PTPRG: variants seen among roughly 807,000 people sequenced by gnomAD.
The protein encoded by PTPRG is receptor-type tyrosine-protein phosphatase gamma.
A neutral mutation model predicts 165.3 loss-of-function variants in PTPRG; 102 were observed. The ratio of observed to expected loss-of-function variants is 0.62; its 90% CI spans 0.53 to 0.73. The LOEUF (loss-of-function observed/expected upper bound fraction) is 0.73, where lower values mean the gene tolerates loss of function less well. Among genes scored for constraint, PTPRG ranks in the 30% least tolerant of loss-of-function variants. The probability of loss-of-function intolerance (pLI) is 0.00; values close to 1 mark genes in which losing one functional copy is unlikely to be tolerated. For missense variants in PTPRG, 1,866 were observed against 1,861.4 expected (o/e 1.00, Z -0.05); for synonymous variants, 675 against 669.5 (o/e 1.01, Z -0.13).
intron 1 of PTPRG, among the ~76,000 whole-genome samples, chr3:61,722,200 C>G (rs1303089591): frequency 6.7e-6 from 1 of 149,238 alleles, no homozygotes; most frequent in Non-Finnish European, 1.5e-5. Flanking sequence ...GGTGGAAGAG[C>G]AAAGAGAGAG....
chr3:61,877,693 G>T (rs1433558727), intron 2 of PTPRG, among the ~76,000 whole-genome samples: 1 of 152,228 alleles, frequency 6.6e-6, no homozygotes, highest in Admixed American at 6.5e-5. Flanking sequence ...GATGCAATGA[G>T]ACTGAAATAA....
In PTPRG at chr3:61,841,824, A is replaced by AAAAAC. The variant is rs371740618; in HGVS notation, c.190+92864_190+92868dup. ...GAGACTCCATCTCAAAAACAAAAAC[A>AAAAAC]AAAACAAAACAAAACAAAACAAAAC... On this transcript the variant is annotated intron_variant, in intron 2 of 29. Transcript: ENST00000474889. Among the ~76,000 whole-genome samples the AAAAAC allele has an allele frequency of 9.5e-3, 1,440 of 152,202 alleles. 14 individuals carry two copies. The highest frequency in any genetic ancestry group is 0.013 in the Non-Finnish European group (860 of 68,016).
chr3:61,912,662 T>G (rs1231657684), intron 2 of PTPRG, among the ~76,000 whole-genome samples: 1 of 152,236 alleles, frequency 6.6e-6, no homozygotes, highest in Non-Finnish European at 1.5e-5. Context: ...CTGCATAGTT[T>G]TGATATTTAA....
At chr3:61,979,890 T>C (rs1236971739) in intron 2 of PTPRG, among the ~76,000 whole-genome samples, 1 of 152,188 alleles carries the variant, frequency 6.6e-6, no homozygotes, top group South Asian at 2.1e-4. Context: ...ACCAGGCCCC[T>C]GTGCTGTTGA....
intron 5 of PTPRG, among the ~76,000 whole-genome samples, chr3:62,089,028 T>G (rs1701844287): frequency 1.3e-5 from 2 of 152,214 alleles, no homozygotes; most frequent in Admixed American, 6.5e-5. Flanking sequence ...ACAATTCTCT[T>G]TTGATTTTGT....
chr3:61,597,143 T>C (rs1700721836), intron 1 of PTPRG, among the ~76,000 whole-genome samples: 3 of 152,170 alleles, frequency 2.0e-5, no homozygotes, highest in Admixed American at 6.5e-5. Flanking sequence ...CACTCCCTCC[T>C]TAATGACATT....
intron 1 of PTPRG, among the ~76,000 whole-genome samples, chr3:61,578,322 G>T (rs1277119314): frequency 1.3e-5 from 2 of 152,196 alleles, no homozygotes; most frequent in Non-Finnish European, 2.9e-5. Context: ...ATAATCCATT[G>T]CAGCAATCAG....
intron 1 of PTPRG, among the ~76,000 whole-genome samples, chr3:61,626,171 C>T (rs1701603927): frequency 2.0e-5 from 3 of 151,976 alleles, no homozygotes; most frequent in East Asian, 3.9e-4. Flanking sequence ...CTTATTGCTT[C>T]GTAGATGAAT....
intron 1 of PTPRG, among the ~76,000 whole-genome samples, chr3:61,587,764 C>T (rs773104873): frequency 2.0e-5 from 3 of 152,056 alleles, no homozygotes; most frequent in African/African-American, 7.2e-5. Context: ...TCAAGCAATC[C>T]TCCCACCTCA....
chr3:61,774,102 A>C (rs2034296802), intron 2 of PTPRG, among the ~76,000 whole-genome samples: 1 of 152,150 alleles, frequency 6.6e-6, no homozygotes, highest in African/African-American at 2.4e-5. Context: ...CCAGGCTTAG[A>C]GAGTATCTAA....
chr3:62,275,830 A>G (rs373627511), intron 23 of PTPRG, 43 bp from the exon 24 acceptor site: 46 of 1,445,492 alleles, frequency 3.2e-5, no homozygotes, highest in Non-Finnish European at 4.2e-5. Context: ...AATGCTATCA[A>G]TTATATCTTT....
chr3:62,020,809 G>A (rs1022648431), intron 4 of PTPRG, among the ~76,000 whole-genome samples: 5 of 151,856 alleles, frequency 3.3e-5, no homozygotes, highest in African/African-American at 1.2e-4. Flanking sequence ...GAACTCCTGG[G>A]CTCAAGGAAT....
chr3:61,701,542 A>C (rs551851063), intron 1 of PTPRG, among the ~76,000 whole-genome samples: 3 of 152,348 alleles, frequency 2.0e-5, no homozygotes, highest in African/African-American at 7.2e-5. Context: ...TCTACAGTAT[A>C]ATAATGAAAA....
At chr3:62,220,351 G>A (rs1399915119) in intron 13 of PTPRG, among the ~76,000 whole-genome samples, 1 of 152,236 alleles carries the variant, frequency 6.6e-6, no homozygotes, top group Non-Finnish European at 1.5e-5. Flanking sequence ...ACAGACTGAA[G>A]AGGAGCAGGG....
chr3:61,656,396 T>C (rs1344695643), intron 1 of PTPRG, among the ~76,000 whole-genome samples: 1 of 152,150 alleles, frequency 6.6e-6, no homozygotes, highest in Admixed American at 6.5e-5. Context: ...AATTTACATA[T>C]GAATAGTTAA....
chr3:62,240,077 T>C lies in PTPRG; in HGVS notation c.2376-3730T>C, dbSNP rs867893273. ...AAAGGAATAAATTAAATACCAGCAT[T>C]GTAATGCCTCCATGAAATGGAAGAT... On this transcript the variant is annotated intron_variant, in intron 14 of 29. Transcript: ENST00000474889. The surrounding 1 kb of genome is among the most constrained non-coding windows in gnomAD (Gnocchi z 5.1). Among the ~76,000 whole-genome samples, 1 of 152,180 alleles carries C rather than the reference T, an allele frequency of 6.6e-6. No individual in the cohort carries two copies. Among genetic ancestry groups the C allele is most frequent in the Non-Finnish European group, 1.5e-5 (1 of 68,044 alleles).
At chr3:61,862,251 A>G (rs2107407230) in intron 2 of PTPRG, among the ~76,000 whole-genome samples, 1 of 152,288 alleles carries the variant, frequency 6.6e-6, no homozygotes, top group South Asian at 2.1e-4. Flanking sequence ...GGTGCCCAAA[A>G]GGTGGGGGAC....
chr3:61,823,893 G>C (rs930621376), intron 2 of PTPRG, among the ~76,000 whole-genome samples: 1 of 151,890 alleles, frequency 6.6e-6, no homozygotes, highest in African/African-American at 2.4e-5. Flanking sequence ...TTGGGAGGCC[G>C]AGGTGGGCAG....
At chr3:61,806,292 C>T (rs190006830) in intron 2 of PTPRG, among the ~76,000 whole-genome samples, 4 of 152,042 alleles carry the variant, frequency 2.6e-5, no homozygotes, top group Non-Finnish European at 5.9e-5. Flanking sequence ...AATGTGTTGG[C>T]GAGAAAGAAA....
Sources: allele counts gnomAD v4.1 joint callset (sites outside exome capture counted in the v4.1 genomes callset), GRCh38; gene constraint gnomAD v4.1.1; non-coding constraint Gnocchi (gnomAD v3.1); transcripts MANE v1.5; gene names NCBI Gene and HGNC (gene_info 2026-07-23, HGNC 2026-07-21).